INVS: variants seen among roughly 807,000 people sequenced by gnomAD.
INVS encodes inversin.
Under a neutral mutation model 108.8 loss-of-function variants are expected in INVS, and 86 were observed. The observed-to-expected ratio is 0.79, with a 90% CI of 0.66 to 0.95. The LOEUF is 0.95. Among genes scored for constraint, INVS ranks in the 40% least tolerant of loss-of-function variants. The pLI, the probability that INVS is intolerant of heterozygous loss-of-function variation, is 0.00. For missense variants in INVS, 1,169 were observed against 1,297.4 expected (o/e 0.90, Z 1.52); for synonymous variants, 455 against 473.5 (o/e 0.96, Z 0.51).
intron 3 of INVS, among the ~76,000 whole-genome samples, chr9:100,186,791 T>C (rs1338047562): frequency 6.6e-6 from 1 of 152,216 alleles, no homozygotes; most frequent in East Asian, 1.9e-4. Flanking sequence ...CTTAGAAATA[T>C]GTTCTTCCAT....
At chr9:100,171,380 T>G (rs1307561051) in intron 3 of INVS, among the ~76,000 whole-genome samples, 2 of 152,196 alleles carry the variant, frequency 1.3e-5, no homozygotes, top group Non-Finnish European at 2.9e-5. Context: ...AGCCTAGGTG[T>G]GTAATAAGTT....
At chr9:100,236,532 G>A (rs1831691622) in intron 5 of INVS, among the ~76,000 whole-genome samples, 1 of 152,150 alleles carries the variant, frequency 6.6e-6, no homozygotes, top group Admixed American at 6.5e-5. Flanking sequence ...ACCTTTGGAT[G>A]GGATTTTTGT....
intron 3 of INVS, among the ~76,000 whole-genome samples, chr9:100,222,508 T>C (rs986539535): frequency 9.8e-5 from 15 of 152,322 alleles, no homozygotes; most frequent in Admixed American, 2.6e-4. Flanking sequence ...GAATATTTGT[T>C]GAATGAATGA....
chr9:100,117,603 C>T (rs1212155343), intron 2 of INVS: 5 of 399,932 alleles, frequency 1.3e-5, no homozygotes, highest in African/African-American at 2.5e-5. Context: ...GGGCCTCCGG[C>T]CCCCCGCCCC....
chr9:100,299,305 C>G (rs1833879340), intron 16 of INVS, among the ~76,000 whole-genome samples: 1 of 152,082 alleles, frequency 6.6e-6, no homozygotes, highest in Admixed American at 6.5e-5. Flanking sequence ...TAAGCATTAA[C>G]CAGTTAATGA....
chr9:100,286,981 C>A (rs1414893685), intron 13 of INVS, among the ~76,000 whole-genome samples: 1 of 152,198 alleles, frequency 6.6e-6, no homozygotes, highest in African/African-American at 2.4e-5. Context: ...TTATCTACTG[C>A]TGTATAACAA....
chr9:100,115,982 G>A (rs1287548449), intron 2 of INVS, among the ~76,000 whole-genome samples: 7 of 152,188 alleles, frequency 4.6e-5, no homozygotes, highest in South Asian at 4.2e-4. Flanking sequence ...TTTAATGATC[G>A]CCATTCTAAC....
At chr9:100,167,646 T>C (rs2119029969) in intron 3 of INVS, among the ~76,000 whole-genome samples, 1 of 152,330 alleles carries the variant, frequency 6.6e-6, no homozygotes, top group East Asian at 1.9e-4. Context: ...ATTTTACTTA[T>C]TTATCTTGCT....
At position 100,253,064 on chromosome 9, in the gene INVS, A is replaced by G. The variant is rs1312406580; in HGVS notation, c.1392A>G (p.Ala464=). 5.6e-6 allele frequency: 9 copies of G among 1,614,056 alleles called. No individual in the cohort carries two copies. Among genetic ancestry groups the G allele is most frequent in the Non-Finnish European group, 7.6e-6 (9 of 1,179,928 alleles). Residue 464 remains alanine, a synonymous_variant, in exon 10 of 17, where the codon GCA becomes GCG. Transcript: ENST00000262457. ...YAGRTPLQCA[A]YGGYINCMAV... ...GAAGAACCCCTTTGCAGTGTGCAGCATATGGAGGCTATATCAACTGCATGG... is the reference window on the plus strand; with the variant it reads ...GAAGAACCCCTTTGCAGTGTGCAGCGTATGGAGGCTATATCAACTGCATGG...
intron 6 of INVS, among the ~76,000 whole-genome samples, chr9:100,240,531 A>G (rs1381398137): frequency 6.6e-6 from 1 of 152,084 alleles, no homozygotes. Context: ...CAGCGCCTAT[A>G]TTTTTGGGGA....
chr9:100,185,431 G>A (rs1017538679), intron 3 of INVS, among the ~76,000 whole-genome samples: 1 of 147,390 alleles, frequency 6.8e-6, no homozygotes, highest in Admixed American at 6.9e-5. Context: ...CAAAAGATTA[G>A]TTTTACCTGT....
At chr9:100,136,995 G>T (rs900723611) in intron 3 of INVS, among the ~76,000 whole-genome samples, 1 of 152,014 alleles carries the variant, frequency 6.6e-6, no homozygotes, top group African/African-American at 2.4e-5. Flanking sequence ...AGCCGTGATC[G>T]CGCCACTGTA....
intron 5 of INVS, among the ~76,000 whole-genome samples, chr9:100,231,927 G>T (rs10819743): frequency 6.6e-6 from 1 of 151,970 alleles, no homozygotes; most frequent in Non-Finnish European, 1.5e-5. Context: ...AGGAGTCACC[G>T]CACTGTCTTC....
intron 3 of INVS, among the ~76,000 whole-genome samples, chr9:100,151,226 A>G (rs1251281776): frequency 6.6e-6 from 1 of 152,184 alleles, no homozygotes; most frequent in Non-Finnish European, 1.5e-5. Flanking sequence ...CTTTAATCCC[A>G]GCACTTTGGG....
At chr9:100,114,114 A>G (rs190256721) in intron 2 of INVS, among the ~76,000 whole-genome samples, 30 of 152,334 alleles carry the variant, frequency 2.0e-4, no homozygotes, top group Middle Eastern at 3.4e-3. Flanking sequence ...TTATTGAGGT[A>G]TATAATACAG....
At chr9:100,206,945 T>C (rs1830692992) in intron 3 of INVS, among the ~76,000 whole-genome samples, 1 of 152,214 alleles carries the variant, frequency 6.6e-6, no homozygotes, top group South Asian at 2.1e-4. Context: ...ATTCAGATTA[T>C]GCACTTTTGG....
At chr9:100,205,341 T>C (rs529782137) in intron 3 of INVS, among the ~76,000 whole-genome samples, 8 of 152,126 alleles carry the variant, frequency 5.3e-5, no homozygotes, top group Non-Finnish European at 1.2e-4. Context: ...GCCTTGTCAT[T>C]TGGATCAATA....
chr9:100,295,490 T>C (rs1478765816), intron 14 of INVS, among the ~76,000 whole-genome samples: 2 of 152,170 alleles, frequency 1.3e-5, no homozygotes, highest in Non-Finnish European at 2.9e-5. Context: ...TGAAGCGCTG[T>C]CCTGCAAGTG....
chr9:100,145,701 G>A (rs1828584825), intron 3 of INVS, among the ~76,000 whole-genome samples: 1 of 152,058 alleles, frequency 6.6e-6, no homozygotes, highest in Admixed American at 6.6e-5. Context: ...TCCCCGTGTG[G>A]TCAGACACCT....
Sources: allele counts gnomAD v4.1 joint callset (sites outside exome capture counted in the v4.1 genomes callset), GRCh38; gene constraint gnomAD v4.1.1; transcripts MANE v1.5; gene names NCBI Gene and HGNC (gene_info 2026-07-23, HGNC 2026-07-21).